Variants in GRIK3 observed in about 807,000 individuals in gnomAD.
The protein encoded by GRIK3 is glutamate ionotropic receptor kainate type subunit 3.
GRIK3 carries 29 observed loss-of-function variants against 102.5 expected under a neutral mutation model. That is an observed-to-expected ratio of 0.28 (90% CI 0.21 to 0.39). GRIK3 has a LOEUF of 0.39. Among genes scored for constraint, GRIK3 ranks in the 10% least tolerant of loss-of-function variants. GRIK3 has a pLI of 1.00. For synonymous variants in GRIK3, 511 were observed against 504.9 expected (o/e 1.01, Z -0.16); for missense variants, 908 against 1,252.4 (o/e 0.73, Z 4.15).
intron 10 of GRIK3, among the ~76,000 whole-genome samples, chr1:36,832,691 C>G (rs1287038942): frequency 6.6e-6 from 1 of 152,244 alleles, no homozygotes; most frequent in East Asian, 1.9e-4. Flanking sequence ...TGAGGCCCAG[C>G]AAGCTCCATC....
intron 7 of GRIK3, 100 bp downstream of exon 7, chr1:36,859,008 G>T: frequency 9.2e-7 from 1 of 1,087,418 alleles, no homozygotes; most frequent in Non-Finnish European, 1.3e-6. Context: ...GAGGTCACAT[G>T]GATGAGAATC....
rs888113040 is a variant in GRIK3 at position 36,798,185 on chromosome 1, T to A, written c.*3666A>T. ...CAGCAGCAGGACAAGGGGAGAGTGA[T>A]TGGGAGGGCTCACTGTCCTTAGTCC... On this transcript the variant is annotated 3_prime_UTR_variant, in exon 16 of 16. Coordinates refer to ENST00000373091, the MANE Select transcript of GRIK3 (RefSeq NM_000831.4). 7.2e-5 allele frequency: 11 copies of A among 152,236 alleles called. No individual in the cohort carries two copies. The highest frequency in any genetic ancestry group is 2.7e-4 in the African/African-American group (11 of 41,412). The allele number at this position is 152,236 out of a possible 1,614,324, so 9.4% of individuals were successfully genotyped here.
At chr1:36,865,631 A>G (rs1640776210) in intron 5 of GRIK3, among the ~76,000 whole-genome samples, 1 of 152,186 alleles carries the variant, frequency 6.6e-6, no homozygotes, top group Non-Finnish European at 1.5e-5. Context: ...AACTGTGTGT[A>G]TTGCAAGGGC....
In GRIK3 at chr1:36,806,444, A is replaced by G; in HGVS notation, c.2092-118T>C. On this transcript the variant is annotated intron_variant, in intron 13 of 15. Coordinates refer to ENST00000373091, the MANE Select transcript of GRIK3 (RefSeq NM_000831.4). The surrounding 1 kb of genome is among the most constrained non-coding windows in gnomAD (Gnocchi z 4.0). ...TGAACTCGGTCTACAATCTTCAGAG[A>G]AAGGAAGTGCTACACGGTGCTCAGA... 1.6e-6 allele frequency: 1 copy of G among 632,908 alleles called. No homozygotes were observed. Among genetic ancestry groups the G allele is most frequent in the East Asian group, 2.7e-5 (1 of 36,420 alleles). The allele number at this position is 632,908 out of a possible 1,614,324, so 39.2% of individuals were successfully genotyped here.
In GRIK3 at chr1:36,833,781, C is replaced by A. The variant is rs190382917; in HGVS notation, c.1530+7955G>T. ...AGAGTTCATAGTGCCATGGCCATAA[C>A]TGGGGTTGGGGGACAGCTTCCCAAA... On this transcript the variant is annotated intron_variant, in intron 10 of 15. Transcript: ENST00000373091. Among the ~76,000 whole-genome samples, 78 of 152,346 alleles carry A rather than the reference C, an allele frequency of 5.1e-4. 1 individual carries two copies. Among genetic ancestry groups the A allele is most frequent in the Non-Finnish European group, 5.9e-5 (4 of 68,028 alleles).
In GRIK3 at chr1:36,806,087, G is replaced by A. The variant is rs114864586; in HGVS notation, c.2314+17C>T. 1.3e-6 allele frequency: 2 copies of A among 1,587,630 alleles called. No homozygotes were observed. Among genetic ancestry groups the A allele is most frequent in the South Asian group, 1.1e-5 (1 of 89,936 alleles). On this transcript the variant is annotated intron_variant, in intron 14 of 15. Coordinates refer to ENST00000373091, the MANE Select transcript of GRIK3 (RefSeq NM_000831.4). This position sits in a 1 kb window ranked among gnomAD's most constrained non-coding sequence, Gnocchi z 4.0. ...TGCCCACACACCCACCCCTCCCACAGGCAGCCCCTCGCTCACCCATGGGCG... is the reference window on the plus strand; with the variant it reads ...TGCCCACACACCCACCCCTCCCACAAGCAGCCCCTCGCTCACCCATGGGCG...
intron 1 of GRIK3, among the ~76,000 whole-genome samples, chr1:37,015,529 T>C (rs1237575449): frequency 6.6e-6 from 1 of 152,164 alleles, no homozygotes; most frequent in Non-Finnish European, 1.5e-5. Flanking sequence ...CAGTGCTTTG[T>C]TCATTACTAA....
At chr1:36,977,398 T>C (rs1001551511) in intron 1 of GRIK3, among the ~76,000 whole-genome samples, 3 of 152,174 alleles carry the variant, frequency 2.0e-5, no homozygotes, top group African/African-American at 4.8e-5. Context: ...GAAATTCTAA[T>C]ATGAGAGCAC....
At chr1:37,020,934 G>A (rs1156280982) in intron 1 of GRIK3, among the ~76,000 whole-genome samples, 2 of 152,160 alleles carry the variant, frequency 1.3e-5, no homozygotes, top group African/African-American at 4.8e-5. Context: ...ACCACACGGT[G>A]CATCTGTTAT....
intron 1 of GRIK3, among the ~76,000 whole-genome samples, chr1:36,932,139 C>T (rs961081603): frequency 6.6e-6 from 1 of 152,150 alleles, no homozygotes; most frequent in African/African-American, 2.4e-5. Flanking sequence ...GTTTCTCCTT[C>T]CTTCTCTAGG....
intron 11 of GRIK3, among the ~76,000 whole-genome samples, chr1:36,825,054 T>C (rs1360118684): frequency 6.6e-6 from 1 of 152,188 alleles, no homozygotes; most frequent in Non-Finnish European, 1.5e-5. Context: ...CAGGGTGCGC[T>C]ATGTCTACTT....
intron 1 of GRIK3, among the ~76,000 whole-genome samples, chr1:36,914,604 G>A (rs535954786): frequency 2.6e-5 from 4 of 152,278 alleles, no homozygotes; most frequent in East Asian, 1.9e-4. Context: ...TTGAGGTCCA[G>A]GGCTAGATCC....
chr1:36,964,714 T>C (rs1446534214), intron 1 of GRIK3, among the ~76,000 whole-genome samples: 1 of 152,130 alleles, frequency 6.6e-6, no homozygotes, highest in African/African-American at 2.4e-5. Flanking sequence ...TTCATGTCCT[T>C]TCCACTACCC....
At chr1:36,854,824 T>A (rs534493214) in intron 7 of GRIK3, among the ~76,000 whole-genome samples, 1 of 152,128 alleles carries the variant, frequency 6.6e-6, no homozygotes, top group Non-Finnish European at 1.5e-5. Context: ...ACAGCAGCCA[T>A]GGGAGGTGGC....
chr1:36,811,668 C>T (rs1429172501), intron 13 of GRIK3, among the ~76,000 whole-genome samples: 1 of 152,098 alleles, frequency 6.6e-6, no homozygotes, highest in African/African-American at 2.4e-5. Flanking sequence ...AGTAATCTGC[C>T]CCAGGAGGGA....
chr1:36,969,003 C>T (rs1343402410), intron 1 of GRIK3, among the ~76,000 whole-genome samples: 1 of 152,226 alleles, frequency 6.6e-6, no homozygotes, highest in Non-Finnish European at 1.5e-5. Context: ...ACTCTCTCTA[C>T]TCCCATGAAG....
intron 5 of GRIK3, among the ~76,000 whole-genome samples, chr1:36,864,893 G>A (rs1371702279): frequency 6.6e-6 from 1 of 150,540 alleles, no homozygotes; most frequent in Non-Finnish European, 1.5e-5. Flanking sequence ...CCCAAGTGCT[G>A]TACACTGTGA....
chr1:36,901,015 C>G (rs1641227993), intron 1 of GRIK3, among the ~76,000 whole-genome samples: 1 of 152,128 alleles, frequency 6.6e-6, no homozygotes, highest in Non-Finnish European at 1.5e-5. Flanking sequence ...TTGAACAGGA[C>G]TCTCTCTATT....
chr1:36,854,938 G>GAA (rs1200841611), intron 7 of GRIK3, among the ~76,000 whole-genome samples: 4 of 152,166 alleles, frequency 2.6e-5, no homozygotes, highest in Admixed American at 1.3e-4. Flanking sequence ...AGCCAAACTA[G>GAA]AACCCGTGAT....
Sources: allele counts gnomAD v4.1 joint callset (sites outside exome capture counted in the v4.1 genomes callset), GRCh38; gene constraint gnomAD v4.1.1; non-coding constraint Gnocchi (gnomAD v3.1); transcripts MANE v1.5; gene names NCBI Gene and HGNC (gene_info 2026-07-23, HGNC 2026-07-21).